Variants in PANK1 observed in about 807,000 individuals in gnomAD.
PANK1 encodes pantothenate kinase 1.
In PANK1, 18 loss-of-function variants were observed where a neutral mutation model predicts 40.1. The observed-to-expected ratio is 0.45, with a 90% CI of 0.31 to 0.67. The LOEUF (loss-of-function observed/expected upper bound fraction) is 0.67, where lower values mean the gene tolerates loss of function less well. Among genes scored for constraint, PANK1 ranks in the 30% least tolerant of loss-of-function variants. The pLI, the probability that PANK1 is intolerant of heterozygous loss-of-function variation, is 0.06. For missense variants in PANK1, 457 were observed against 599.6 expected, an observed-to-expected ratio of 0.76 and a Z score of 2.48; for synonymous variants, 242 against 237.7, an observed-to-expected ratio of 1.02 and a Z score of -0.17.
intron 3 of PANK1, among the ~76,000 whole-genome samples, 165 bp from the exon 4 acceptor site, chr10:89,594,154 T>G (rs753404288): frequency 2.6e-5 from 4 of 152,128 alleles, no homozygotes; most frequent in Non-Finnish European, 5.9e-5. Flanking sequence ...AGACTGGATA[T>G]GAAAAGAGGG....
At position 89,627,838 on chromosome 10, in the gene PANK1, A is replaced by G. The variant is rs184200399; in HGVS notation, c.293-15790T>C. 2.0e-4 allele frequency among the ~76,000 whole-genome samples: 30 copies of G among 152,326 alleles called. No individual in the cohort carries two copies. The East Asian group carries it at 5.8e-3, about 29-fold the overall frequency. On this transcript the variant is annotated intron_variant, in intron 1 of 6. Transcript: ENST00000307534. The stretch of plus-strand genomic sequence containing the variant: ...CATCAAAGAAACTTATAATTTCACT[A>G]GATATGAGACTAAAACTTATACAAG...
chr10:89,581,335 GTGA>G (rs1199747702), downstream of PANK1: 1 of 152,158 alleles, frequency 6.6e-6, no homozygotes, highest in Non-Finnish European at 1.5e-5. Context: ...ACTGCATAAG[GTGA>G]AGAACACAAC....
At chr10:89,629,246 T>G (rs1422461525) in intron 1 of PANK1, among the ~76,000 whole-genome samples, 1 of 152,204 alleles carries the variant, frequency 6.6e-6, no homozygotes, top group Non-Finnish European at 1.5e-5. Flanking sequence ...TTCCTTCCAG[T>G]GCTCAGCTGC....
rs1842061755 is a variant in PANK1, at chr10:89,644,654, C to A, written c.238G>T (p.Ala80Ser). The change falls in exon 1 of 7, where the codon GCC becomes TCC. Residue 80 changes from alanine to serine, a missense_variant. This residue lies in a region of PANK1 where 144 missense variants were observed against 131.2 expected (regional missense o/e 1.10). Transcript: ENST00000307534. ...QPLLPQHDSP[A>S]KKCRLRRRMD... ...CTCCTCCGCAGCCGGCATTTCTTGG[C>A]CGGGGAGTCATGCTGAGGGAGCAGT... 6.3e-7 allele frequency: 1 copy of A among 1,580,040 alleles called. No individual in the cohort carries two copies. The highest frequency in any genetic ancestry group is 1.4e-5 in the African/African-American group (1 of 72,744).
At chr10:89,638,930 T>C (rs1309222427) in intron 1 of PANK1, among the ~76,000 whole-genome samples, 1 of 151,846 alleles carries the variant, frequency 6.6e-6, no homozygotes, top group Non-Finnish European at 1.5e-5. Context: ...CAACATAGGC[T>C]TTTCATAGCA....
rs542649696 is a variant in PANK1 at position 89,619,164 on chromosome 10, T to C, written c.293-7116A>G. Among the ~76,000 whole-genome samples the C allele has an allele frequency of 1.1e-4, 16 of 152,364 alleles. 1 individual carries two copies. The South Asian group carries it at 3.3e-3, about 32-fold the overall frequency. On this transcript the variant is annotated intron_variant, in intron 1 of 6. Coordinates refer to ENST00000307534, the MANE Select transcript of PANK1 (RefSeq NM_148977.3). Reference sequence around the variant, plus strand: ...TTAAAATACAAACCAAGATTGTCTATCTGGTAGTAGTTAAAACTGAAATAA... The same window carrying C: ...TTAAAATACAAACCAAGATTGTCTACCTGGTAGTAGTTAAAACTGAAATAA...
At chr10:89,611,122 T>C (rs1589788555) in intron 2 of PANK1, among the ~76,000 whole-genome samples, 2 of 152,226 alleles carry the variant, frequency 1.3e-5, no homozygotes, top group East Asian at 3.8e-4. Context: ...CCTTACTATA[T>C]AAAATTATAC....
In PANK1 at chr10:89,593,332, A is replaced by G; in HGVS notation, c.1077-12T>C. 6.2e-7 allele frequency: 1 copy of G among 1,612,950 alleles called. No individual in the cohort carries two copies. On this transcript the variant is annotated splice_polypyrimidine_tract_variant and intron_variant, in intron 4 of 6. Coordinates refer to ENST00000307534, the MANE Select transcript of PANK1 (RefSeq NM_148977.3). Reference sequence around the variant, plus strand: ...TCATGTTGCCAAAGCTATGTTGGAAATATCAGCGAGAGTGTTCAAAATCGT... The same window carrying G: ...TCATGTTGCCAAAGCTATGTTGGAAGTATCAGCGAGAGTGTTCAAAATCGT...
chr10:89,603,898 A>G (rs966983369), intron 2 of PANK1, among the ~76,000 whole-genome samples: 1 of 152,216 alleles, frequency 6.6e-6, no homozygotes, highest in African/African-American at 2.4e-5. Flanking sequence ...TGCTCCTGCA[A>G]TATCACAAAT....
At chr10:89,584,795 T>C (rs1249829836) in intron 6 of PANK1, among the ~76,000 whole-genome samples, 1 of 152,196 alleles carries the variant, frequency 6.6e-6, no homozygotes, top group Non-Finnish European at 1.5e-5. Flanking sequence ...TGGAAGGTAA[T>C]AAAGTAAATT....
chr10:89,612,684 A>T lies in PANK1; in HGVS notation c.293-636T>A, dbSNP rs139398397. The stretch of plus-strand genomic sequence containing the variant: ...GATGATGAGCAGACATGAAATTCTA[A>T]AAAGAACAACTCGCATTATATCTAA... On this transcript the variant is annotated intron_variant, in intron 1 of 6. Transcript: ENST00000307534. Among the ~76,000 whole-genome samples the T allele has an allele frequency of 1.6e-4, 25 of 152,352 alleles. No homozygotes were observed. The East Asian group carries it at 3.7e-3, about 22-fold the overall frequency.
intron 6 of PANK1, among the ~76,000 whole-genome samples, chr10:89,586,982 G>A (rs548192145): frequency 6.6e-6 from 1 of 152,248 alleles, no homozygotes; most frequent in African/African-American, 2.4e-5. Context: ...AATTAGCCAG[G>A]TGTGGTGGCG....
chr10:89,645,230 C>G lies in PANK1; in HGVS notation c.-339G>C, dbSNP rs755232917. 1 of 1,600,126 alleles carries G rather than the reference C, an allele frequency of 6.2e-7. No homozygotes were observed. ...CGCGCGACTTCAAACGCGGCTTCCTCGCCTCCCAGACTGGTCCCCGCCACT... is the reference window on the plus strand; with the variant it reads ...CGCGCGACTTCAAACGCGGCTTCCTGGCCTCCCAGACTGGTCCCCGCCACT... On this transcript the variant is annotated 5_prime_UTR_variant, in exon 1 of 7. Coordinates refer to ENST00000307534, the MANE Select transcript of PANK1 (RefSeq NM_148977.3).
At chr10:89,590,594 G>A (rs1164372917) in intron 5 of PANK1, among the ~76,000 whole-genome samples, 1 of 152,060 alleles carries the variant, frequency 6.6e-6, no homozygotes, top group Admixed American at 6.5e-5. Flanking sequence ...ATATACATGT[G>A]TGTACATATA....
downstream of PANK1, chr10:89,580,587 C>G (rs1564611959): frequency 6.6e-6 from 1 of 152,424 alleles, no homozygotes; most frequent in East Asian, 1.9e-4. Flanking sequence ...GCCCTCCCTT[C>G]CTCTCCACTT....
At chr10:89,633,188 C>A (rs762411034) in intron 1 of PANK1, among the ~76,000 whole-genome samples, 1 of 152,040 alleles carries the variant, frequency 6.6e-6, no homozygotes, top group Non-Finnish European at 1.5e-5. Flanking sequence ...CATAAGGATA[C>A]TGAAATGCAG....
chr10:89,633,809 TCA>T (rs1166584474), intron 1 of PANK1, among the ~76,000 whole-genome samples: 1 of 152,168 alleles, frequency 6.6e-6, no homozygotes, highest in African/African-American at 2.4e-5. Context: ...TCATTAAATC[TCA>T]GAGTTCAAGG....
chr10:89,626,127 T>C (rs1845653704), intron 1 of PANK1: 1 of 152,126 alleles, frequency 6.6e-6, no homozygotes, highest in Admixed American at 6.5e-5. Flanking sequence ...GCAGATGAAA[T>C]TTGTTTCCCA....
intron 1 of PANK1, among the ~76,000 whole-genome samples, chr10:89,642,410 G>C (rs546891387): frequency 5.9e-5 from 9 of 152,340 alleles, no homozygotes; most frequent in African/African-American, 1.7e-4. Flanking sequence ...AGGCCAAACT[G>C]TTGTAACTGA....
Sources: gnomAD v4.1 joint callset for allele counts (sites outside exome capture counted in the v4.1 genomes callset) on GRCh38, gnomAD v4.1.1 for gene constraint, gnomAD v4.1.1 regional missense constraint, MANE v1.5 for transcripts, NCBI Gene and HGNC (gene_info 2026-07-23, HGNC 2026-07-21) for gene names.